Variants in ACOT7 observed in about 807,000 individuals in gnomAD.
ACOT7 encodes the protein acyl-CoA thioesterase 7.
ACOT7 carries 12 observed loss-of-function variants against 40.2 expected under a neutral mutation model. That is an observed-to-expected ratio of 0.30 (90% CI 0.19 to 0.48). The LOEUF (loss-of-function observed/expected upper bound fraction) is 0.48. Among genes scored for constraint, ACOT7 ranks in the 20% least tolerant of loss-of-function variants. ACOT7 has a pLI of 0.99. For synonymous variants in ACOT7, 228 were observed against 219.5 expected (o/e 1.04, Z -0.34); for missense variants, 395 against 530.8 (o/e 0.74, Z 2.51).
rs1172268722 is a variant in ACOT7 at position 6,288,028 on chromosome 1, A to G, written c.830-6742T>C. 6.6e-6 allele frequency among the ~76,000 whole-genome samples: 1 copy of G among 152,094 alleles called. No individual in the cohort carries two copies. Among genetic ancestry groups the G allele is most frequent in the Non-Finnish European group, 1.5e-5 (1 of 68,004 alleles). Reference sequence around the variant, plus strand: ...CTATTACACTGAAGGCAACGATATAACTTTTTCACACCAGCTACCTCTGGA... The same window carrying G: ...CTATTACACTGAAGGCAACGATATAGCTTTTTCACACCAGCTACCTCTGGA... On this transcript the variant is annotated intron_variant, in intron 7 of 8. Transcript: ENST00000361521. The surrounding 1 kb of genome is among the most constrained non-coding windows in gnomAD (Gnocchi z 4.3).
At chr1:6,361,803 A>AAAAT (rs900975252) in intron 1 of ACOT7, among the ~76,000 whole-genome samples, 2 of 152,098 alleles carry the variant, frequency 1.3e-5, no homozygotes, top group Non-Finnish European at 2.9e-5. Context: ...GGACTCTGTA[A>AAAAT]AAATAAATAA....
At position 6,338,012 on chromosome 1, in the gene ACOT7, A is replaced by AAG. The variant is rs1490168031; in HGVS notation, c.418+1420_418+1421insCT. Among the ~76,000 whole-genome samples the AAG allele has an allele frequency of 6.6e-6, 1 of 151,268 alleles. No individual in the cohort carries two copies. Among genetic ancestry groups the AAG allele is most frequent in the African/African-American group, 2.4e-5 (1 of 41,328 alleles). ...TGAGACACCATCTCAAAAAAAAAAA[A>AAG]AAAAAAAAAAAGAAACCTGCTCTTC... On this transcript the variant is annotated intron_variant, in intron 3 of 8. Coordinates refer to ENST00000361521, the MANE Select transcript of ACOT7 (RefSeq NM_007274.4). This position sits in a 1 kb window ranked among gnomAD's most constrained non-coding sequence, Gnocchi z 4.4.
At chr1:6,349,680 G>C (rs1443127772) in intron 2 of ACOT7, 69 bp downstream of exon 2, 1 of 1,469,418 alleles carries the variant, frequency 6.8e-7, no homozygotes, top group Admixed American at 1.9e-5. Context: ...GGCTCCCCGG[G>C]GAACTCCTGT....
chr1:6,347,186 C>T (rs1396917715), intron 2 of ACOT7, among the ~76,000 whole-genome samples: 2 of 152,172 alleles, frequency 1.3e-5, no homozygotes, highest in Admixed American at 6.5e-5. Flanking sequence ...CTCACCCCCA[C>T]GCCCTGGGGC....
chr1:6,337,140 T>A lies in ACOT7; in HGVS notation c.418+2293A>T, dbSNP rs115058697. Among the ~76,000 whole-genome samples the A allele has an allele frequency of 9.1e-3, 1,384 of 152,344 alleles. 13 individuals are homozygous for A. Among genetic ancestry groups the A allele is most frequent in the African/African-American group, 0.031 (1,300 of 41,596 alleles). The stretch of plus-strand genomic sequence containing the variant: ...CACGACAGCGCAATGCCAGCCCTGA[T>A]GTCCCCAGGGAGGAGGGGTGGGCAT... On this transcript the variant is annotated intron_variant, in intron 3 of 8. Coordinates refer to ENST00000361521, the MANE Select transcript of ACOT7 (RefSeq NM_007274.4).
At chr1:6,380,136 G>T (rs1642307747) in intron 1 of ACOT7, among the ~76,000 whole-genome samples, 1 of 151,574 alleles carries the variant, frequency 6.6e-6, no homozygotes, top group African/African-American at 2.4e-5. Context: ...TCATGAAAAA[G>T]AACAAAGCTG....
intron 8 of ACOT7, among the ~76,000 whole-genome samples, chr1:6,279,795 G>A (rs1276257161): frequency 6.6e-6 from 1 of 152,184 alleles, no homozygotes; most frequent in Non-Finnish European, 1.5e-5. Flanking sequence ...ACGGGCCCTG[G>A]TGAGGCATGA....
chr1:6,360,831 A>G, intron 1 of ACOT7: 1 of 1,306,134 alleles, frequency 7.7e-7, no homozygotes, highest in African/African-American at 1.5e-5. Context: ...TAGGCCCACC[A>G]CCCACCCCAA....
At chr1:6,364,535 T>A in intron 1 of ACOT7, among the ~76,000 whole-genome samples, 2 of 112,914 alleles carry the variant, frequency 1.8e-5, no homozygotes. Context: ...AGCAAGAGAC[T>A]CTGTCTCAAA....
At chr1:6,320,490 G>A (rs773520676) in intron 5 of ACOT7, among the ~76,000 whole-genome samples, 8 of 152,196 alleles carry the variant, frequency 5.3e-5, no homozygotes, top group Non-Finnish European at 8.8e-5. Flanking sequence ...TTGGAGATGC[G>A]GGGATTCAGG....
intron 2 of ACOT7, among the ~76,000 whole-genome samples, chr1:6,340,730 C>A (rs1389023849): frequency 1.3e-5 from 2 of 151,838 alleles, no homozygotes; most frequent in East Asian, 2.0e-4. Flanking sequence ...GTGACACATT[C>A]TTTGCAATCA....
chr1:6,336,648 C>T (rs1294693315), intron 3 of ACOT7, among the ~76,000 whole-genome samples: 1 of 152,122 alleles, frequency 6.6e-6, no homozygotes, highest in East Asian at 1.9e-4. Context: ...CCAGGGTCCC[C>T]GCGCGCATCC....
At position 6,385,814 on chromosome 1, in the gene ACOT7, C is replaced by A. The variant is rs571361922; in HGVS notation, c.143+7443G>T. ...CAGGCTCCTGCTCCTCCTAGGACCG[C>A]CCCTCCCCCACCAGCCCCCGGCAAG... On this transcript the variant is annotated intron_variant, in intron 1 of 8. Transcript: ENST00000361521. 6.5e-4 allele frequency: 913 copies of A among 1,412,078 alleles called. 3 individuals carry two copies. The highest frequency in any genetic ancestry group is 6.8e-4 in the African/African-American group (46 of 67,854). The allele number at this position is 1,412,078 out of a possible 1,614,324, so 87.5% of individuals were successfully genotyped here. A position where few individuals can be genotyped will look rare whatever the true frequency, so the allele number is the denominator to read the frequency against.
intron 6 of ACOT7, among the ~76,000 whole-genome samples, chr1:6,307,615 G>A (rs541456640): frequency 8.5e-5 from 13 of 152,376 alleles, no homozygotes; most frequent in African/African-American, 3.1e-4. Context: ...CCAAGACCCT[G>A]GCAGAGGGAA....
intron 6 of ACOT7, among the ~76,000 whole-genome samples, chr1:6,307,174 A>C (rs1640179331): frequency 6.6e-6 from 1 of 152,242 alleles, no homozygotes; most frequent in Non-Finnish European, 1.5e-5. Flanking sequence ...CTGGTGGAGC[A>C]CGGCGGGGCT....
intron 6 of ACOT7, among the ~76,000 whole-genome samples, chr1:6,308,537 C>A (rs1285722078): frequency 6.7e-6 from 1 of 149,854 alleles, no homozygotes; most frequent in African/African-American, 2.5e-5. Flanking sequence ...CCACAACAGG[C>A]AGAAGGAACA....
chr1:6,278,989 C>A lies in ACOT7; in HGVS notation c.1014+2113G>T, dbSNP rs148434368. 1.3e-5 allele frequency among the ~76,000 whole-genome samples: 2 copies of A among 152,308 alleles called. No individual in the cohort carries two copies. The highest frequency in any genetic ancestry group is 2.9e-5 in the Non-Finnish European group (2 of 68,030). On this transcript the variant is annotated intron_variant, in intron 8 of 8. Coordinates refer to ENST00000361521, the MANE Select transcript of ACOT7 (RefSeq NM_007274.4). The surrounding 1 kb of genome is among the most constrained non-coding windows in gnomAD (Gnocchi z 4.1). Reference sequence around the variant, plus strand: ...GGAAGGAGAGAGCTTCGGAAATGTGCCTGGGTCAGGTGGGGGATTCAGCAT... The same window carrying A: ...GGAAGGAGAGAGCTTCGGAAATGTGACTGGGTCAGGTGGGGGATTCAGCAT...
rs1181312292 is a variant in ACOT7 at position 6,278,493 on chromosome 1, G to A, written c.1014+2609C>T. 6.6e-6 allele frequency among the ~76,000 whole-genome samples: 1 copy of A among 152,166 alleles called. No homozygotes were observed. The highest frequency in any genetic ancestry group is 1.9e-4 in the East Asian group (1 of 5,198). ...GGCGTGGGCATGGGGGGAGTAGGGAGGAGCCAGCTGGGTTCCCAGACTTCC... is the reference window on the plus strand; with the variant it reads ...GGCGTGGGCATGGGGGGAGTAGGGAAGAGCCAGCTGGGTTCCCAGACTTCC... On this transcript the variant is annotated intron_variant, in intron 8 of 8. Transcript: ENST00000361521. The surrounding 1 kb of genome is among the most constrained non-coding windows in gnomAD (Gnocchi z 4.1).
At chr1:6,265,541 C>T (rs1016963399) in intron 8 of ACOT7, among the ~76,000 whole-genome samples, 18 of 152,178 alleles carry the variant, frequency 1.2e-4, no homozygotes, top group African/African-American at 4.3e-4. Flanking sequence ...TGGCCCAAGA[C>T]GGGGTTCTGC....
Sources: allele counts gnomAD v4.1 joint callset (sites outside exome capture counted in the v4.1 genomes callset), GRCh38; gene constraint gnomAD v4.1.1; non-coding constraint Gnocchi (gnomAD v3.1); transcripts MANE v1.5; gene names NCBI Gene and HGNC (gene_info 2026-07-23, HGNC 2026-07-21).